The following ASAP3 variants were observed in gnomAD, a reference collection of about 807,000 sequenced individuals.
The protein encoded by ASAP3 is arf-GAP with SH3 domain, ANK repeat and PH domain-containing protein 3.
In ASAP3, 85 loss-of-function variants were observed where a neutral mutation model predicts 118.2. The observed-to-expected ratio is 0.72, with a 90% CI of 0.60 to 0.86. ASAP3 has a LOEUF of 0.86. ASAP3 is among the 40% of genes least tolerant of loss of function. ASAP3 has a pLI of 0.00. For synonymous variants in ASAP3, 432 were observed against 477.4 expected (o/e 0.90, Z 1.24); for missense variants, 1,026 against 1,175.0 (o/e 0.87, Z 1.85).
At chr1:23,482,634 C>T (rs1437488388) in intron 1 of ASAP3, among the ~76,000 whole-genome samples, 1 of 152,202 alleles carries the variant, frequency 6.6e-6, no homozygotes, top group Non-Finnish European at 1.5e-5. Flanking sequence ...AAATGGCAAA[C>T]TGCAGAGCCA....
chr1:23,432,701 G>C (rs1000007349), intron 22 of ASAP3, among the ~76,000 whole-genome samples: 1 of 152,184 alleles, frequency 6.6e-6, no homozygotes, highest in Non-Finnish European at 1.5e-5. Context: ...ATATCACATT[G>C]TGCCTTGTAT....
intron 24 of ASAP3, among the ~76,000 whole-genome samples, chr1:23,430,583 A>T (rs1346339711): frequency 2.6e-5 from 4 of 152,174 alleles, no homozygotes; most frequent in Non-Finnish European, 4.4e-5. Context: ...GTACACGGCC[A>T]CCTAATCCTG....
chr1:23,435,134 C>T (rs551358741), intron 17 of ASAP3, among the ~76,000 whole-genome samples: 120 of 152,288 alleles, frequency 7.9e-4, no homozygotes, highest in African/African-American at 2.7e-3. Context: ...CTCAAGCCAC[C>T]CTCCCACCTC....
At chr1:23,452,847 G>A in intron 3 of ASAP3, 76 bp from the exon 4 acceptor site, 1 of 1,389,854 alleles carries the variant, frequency 7.2e-7, no homozygotes, top group Non-Finnish European at 1.0e-6. Flanking sequence ...GTACAGTGAA[G>A]CATCACTTGG....
chr1:23,436,166 T>TC lies in ASAP3; in HGVS notation c.1572-139dup. The stretch of plus-strand genomic sequence containing the variant: ...GACGTCTAGATCTGAGGCTCCCCTC[T>TC]CCCCAGGCTTTTTTTTTAGACAGTC... On this transcript the variant is annotated intron_variant, in intron 16 of 24. Transcript: ENST00000336689. This position sits in a 1 kb window ranked among gnomAD's most constrained non-coding sequence, Gnocchi z 4.2. The TC allele has an allele frequency of 2.1e-6, 2 of 950,776 alleles. No individual in the cohort carries two copies. The highest frequency in any genetic ancestry group is 3.1e-6 in the Non-Finnish European group (2 of 644,654). 58.9% of individuals were successfully genotyped at this position (950,776 alleles called of 1,614,324 possible). A position where few individuals can be genotyped will look rare whatever the true frequency, so the allele number is the denominator to read the frequency against.
chr1:23,455,236 C>T (rs1369782823), intron 3 of ASAP3, among the ~76,000 whole-genome samples: 1 of 152,184 alleles, frequency 6.6e-6, no homozygotes, highest in Non-Finnish European at 1.5e-5. Context: ...GCTGTGCATC[C>T]GGATCGAATG....
intron 1 of ASAP3, among the ~76,000 whole-genome samples, chr1:23,463,365 G>GT (rs11334359): frequency 5.9e-4 from 89 of 150,450 alleles, no homozygotes; most frequent in African/African-American, 2.1e-3. Context: ...AGAAATGCAG[G>GT]TTTTTTTTTT....
rs543990695 is a variant in ASAP3 at position 23,453,709 on chromosome 1, C to T, written c.349-938G>A. 7.2e-5 allele frequency among the ~76,000 whole-genome samples: 11 copies of T among 152,294 alleles called. No homozygotes were observed. The South Asian group carries it at 2.3e-3, about 32-fold the overall frequency. On this transcript the variant is annotated intron_variant, in intron 3 of 24. Transcript: ENST00000336689. ...GTCTCTCCTCCTCCAGGAAGTCTCT[C>T]CTGGCTACTCCTCCCGCCTGGTCTA...
At chr1:23,484,241 GCCCC>G, upstream of ASAP3, 1 of 1,074,380 alleles carries the variant, frequency 9.3e-7, no homozygotes, top group Non-Finnish European at 1.2e-6. Context: ...GCCTCCACAC[GCCCC>G]GCCCCTCCGC....
At position 23,431,099 on chromosome 1, in the gene ASAP3, C is replaced by G; in HGVS notation, c.2573G>C (p.Arg858Pro). The change falls in exon 24 of 25, where the codon CGG becomes CCG. Residue 858 changes from arginine to proline, a missense_variant. Physicochemically the swap from Arg to Pro is moderately radical, Grantham distance 103. Coordinates refer to ENST00000336689, the MANE Select transcript of ASAP3 (RefSeq NM_017707.4). Reference protein sequence around the residue: ...FSSESTRSYRRGARSPEDGPS... With the variant: ...FSSESTRSYRPGARSPEDGPS... ...ACCATCTTCAGGGCTCCGCGCCCCC[C>G]GCCGATAGGAGCGAGTGCTCTCGGA... 1.3e-6 allele frequency: 2 copies of G among 1,573,106 alleles called. No homozygotes were observed. Among genetic ancestry groups the G allele is most frequent in the Non-Finnish European group, 1.7e-6 (2 of 1,159,390 alleles).
chr1:23,466,317 T>A (rs1641768976), intron 1 of ASAP3, among the ~76,000 whole-genome samples: 1 of 152,196 alleles, frequency 6.6e-6, no homozygotes, highest in Non-Finnish European at 1.5e-5. Flanking sequence ...CTATTTAGAT[T>A]TCATTCAAAG....
intron 1 of ASAP3, among the ~76,000 whole-genome samples, chr1:23,471,211 T>C (rs544956203): frequency 6.6e-6 from 1 of 152,338 alleles, no homozygotes; most frequent in Admixed American, 6.5e-5. Flanking sequence ...CCTTTGCTCA[T>C]GCTGCTCCCT....
Position 23,433,138 on chromosome 1 carries a change from G to A in ASAP3, c.2262C>T (p.Pro754=), listed in dbSNP as rs1185413159. The part of the protein sequence containing the change: ...PQGESEDCPP[P]LPVKNSSRTL... ...TCCGAGAAGAGTTTTTGACTGGCAAGGGCGGGGGACAGTCCTCACTCTCGC... is the reference window on the plus strand; with the variant it reads ...TCCGAGAAGAGTTTTTGACTGGCAAAGGCGGGGGACAGTCCTCACTCTCGC... The change falls in exon 22 of 25, where the codon CCC becomes CCT. Residue 754 remains proline, a synonymous_variant. Coordinates refer to ENST00000336689, the MANE Select transcript of ASAP3 (RefSeq NM_017707.4). 4.3e-6 allele frequency: 7 copies of A among 1,614,036 alleles called. No homozygotes were observed. Among genetic ancestry groups the A allele is most frequent in the Non-Finnish European group, 5.1e-6 (6 of 1,180,026 alleles).
At position 23,452,169 on chromosome 1, in the gene ASAP3, G is replaced by A. The variant is rs553332017; in HGVS notation, c.423+528C>T. Among the ~76,000 whole-genome samples, 7 of 152,314 alleles carry A rather than the reference G, an allele frequency of 4.6e-5. No homozygotes were observed. The South Asian group carries it at 8.3e-4, about 18-fold the overall frequency. ...TGGTTAGCAGGCTGGTGCCACGCTGGCAGCCTAGGGCAGGGAGGGAACCCT... is the reference window on the plus strand; with the variant it reads ...TGGTTAGCAGGCTGGTGCCACGCTGACAGCCTAGGGCAGGGAGGGAACCCT... On this transcript the variant is annotated intron_variant, in intron 4 of 24. Coordinates refer to ENST00000336689, the MANE Select transcript of ASAP3 (RefSeq NM_017707.4).
Position 23,436,957 on chromosome 1 carries a change from C to G in ASAP3, c.1430G>C (p.Arg477Pro), listed in dbSNP as rs778593616. 5 of 1,612,142 alleles carry G rather than the reference C, an allele frequency of 3.1e-6. No individual in the cohort carries two copies. The highest frequency in any genetic ancestry group is 4.2e-6 in the Non-Finnish European group (5 of 1,179,762). Residue 477 changes from arginine to proline, a missense_variant, in exon 15 of 25, where the codon CGC becomes CCC. Physicochemically the swap from Arg to Pro is moderately radical, Grantham distance 103. Coordinates refer to ENST00000336689, the MANE Select transcript of ASAP3 (RefSeq NM_017707.4). This position sits in a 1 kb window ranked among gnomAD's most constrained non-coding sequence, Gnocchi z 4.2. ...VHRELGVRFSRMQSLTLDLLG... is the reference protein window; with the variant it reads ...VHRELGVRFSPMQSLTLDLLG... ...CAGGTCCAAGGTGAGTGACTGCATGCGCGAAAAGCGCACGCCCAGTTCGCG... is the reference window on the plus strand; with the variant it reads ...CAGGTCCAAGGTGAGTGACTGCATGGGCGAAAAGCGCACGCCCAGTTCGCG...
rs1477521816 is a variant in ASAP3, at chr1:23,438,745, A to C, written c.1102+2T>G. 1.2e-6 allele frequency: 2 copies of C among 1,613,894 alleles called. No individual in the cohort carries two copies. The highest frequency in any genetic ancestry group is 2.7e-5 in the African/African-American group (2 of 74,920). On this transcript the variant is annotated splice_donor_variant, in intron 12 of 24. Transcript: ENST00000336689. LOFTEE classifies it high-confidence loss of function. The surrounding 1 kb of genome is among the most constrained non-coding windows in gnomAD (Gnocchi z 4.9). Reference sequence around the variant, plus strand: ...TGGGGGAGAGGCACAGGGACCACTCACGGGTCACCAGGTCGAAGCACTTTT... The same window carrying C: ...TGGGGGAGAGGCACAGGGACCACTCCCGGGTCACCAGGTCGAAGCACTTTT...
rs1293015435 is a variant in ASAP3 at position 23,429,613 on chromosome 1, G to A, written c.*243C>T. ...CAGGAGCACTCAGATCCAGCCACAG[G>A]GCTCCCAGGCCCCTAGCGGGTAATG... On this transcript the variant is annotated 3_prime_UTR_variant, in exon 25 of 25. Coordinates refer to ENST00000336689, the MANE Select transcript of ASAP3 (RefSeq NM_017707.4). 2.7e-5 allele frequency: 11 copies of A among 405,808 alleles called. No homozygotes were observed. Among genetic ancestry groups the A allele is most frequent in the Non-Finnish European group, 4.9e-5 (11 of 222,994 alleles). The allele number at this position is 405,808 out of a possible 1,614,324, so 25.1% of individuals were successfully genotyped here.
At chr1:23,451,406 A>T in intron 5 of ASAP3, 73 bp downstream of exon 5, 2 of 1,498,480 alleles carry the variant, frequency 1.3e-6, no homozygotes, top group Non-Finnish European at 1.9e-6. Flanking sequence ...ATGTCTCGGC[A>T]GCATTTAGGT....
chr1:23,452,208 G>A (rs909409333), intron 4 of ASAP3, among the ~76,000 whole-genome samples: 4 of 152,154 alleles, frequency 2.6e-5, no homozygotes, highest in Non-Finnish European at 4.4e-5. Flanking sequence ...GGGGGAGCAC[G>A]GCTCCTCCCC....
Sources: gnomAD v4.1 joint callset for allele counts (sites outside exome capture counted in the v4.1 genomes callset) on GRCh38, gnomAD v4.1.1 for gene constraint, Gnocchi (gnomAD v3.1) non-coding constraint, MANE v1.5 for transcripts, NCBI Gene and HGNC (gene_info 2026-07-23, HGNC 2026-07-21) for gene names.